Variants in BTG4 observed in about 807,000 individuals in gnomAD.
BTG4 encodes the protein protein BTG4.
A neutral mutation model predicts 19.3 loss-of-function variants in BTG4; 10 were observed. The ratio of observed to expected loss-of-function variants is 0.52; its 90% confidence interval spans 0.32 to 0.88. BTG4 has a LOEUF of 0.88. Among genes scored for constraint, BTG4 ranks in the 40% least tolerant of loss-of-function variants. BTG4 has a pLI of 0.04. For synonymous variants in BTG4, 91 were observed against 95.7 expected, an observed-to-expected ratio of 0.95 and a Z score of 0.29; for missense variants, 238 against 281.9, an observed-to-expected ratio of 0.84 and a Z score of 1.11.
chr11:111,451,590 C>A, the BTG4 span, among the ~76,000 whole-genome samples: 1 of 152,120 alleles, frequency 6.6e-6, no homozygotes, highest in East Asian at 1.9e-4. Context: ...CATGGAGAAA[C>A]CCTGTCTCTA....
At chr11:111,391,382 A>G in the BTG4 span, among the ~76,000 whole-genome samples, 3 of 152,206 alleles carry the variant, frequency 2.0e-5, no homozygotes, top group Admixed American at 1.3e-4. Flanking sequence ...AGCCAGGTTT[A>G]TCTAGGAGAA....
chr11:111,390,870 G>A, the BTG4 span, among the ~76,000 whole-genome samples: 1 of 152,192 alleles, frequency 6.6e-6, no homozygotes, highest in East Asian at 1.9e-4. Flanking sequence ...ACAGGCAGAT[G>A]CACAGACTCC....
At chr11:111,464,391 G>C (rs1217561937), downstream of BTG4, among the ~76,000 whole-genome samples, 1 of 152,184 alleles carries the variant, frequency 6.6e-6, no homozygotes, top group Non-Finnish European at 1.5e-5. Context: ...CAACCCACAT[G>C]CAAGGGGAGG....
the BTG4 span, chr11:111,416,996 T>C: frequency 1.3e-5 from 2 of 152,192 alleles, no homozygotes; most frequent in Admixed American, 1.3e-4. Context: ...CAGAAGCTAT[T>C]AAGGTTGTCT....
the BTG4 span, among the ~76,000 whole-genome samples, chr11:111,399,523 G>A: frequency 6.6e-6 from 1 of 152,136 alleles, no homozygotes; most frequent in Non-Finnish European, 1.5e-5. Context: ...TCACTTTCTA[G>A]CCCCAGGGGA....
chr11:111,454,473 A>G, the BTG4 span: 2 of 366,524 alleles, frequency 5.5e-6, no homozygotes, highest in Non-Finnish European at 1.1e-5. Flanking sequence ...AGAATATGGA[A>G]CATAGAGTCC....
Position 111,498,726 on chromosome 11 carries a change from T to G in BTG4, c.51A>C (p.Lys17Asn), listed in dbSNP as rs1362298784. The G allele has an allele frequency of 6.2e-7, 1 of 1,613,364 alleles. No individual in the cohort carries two copies. The highest frequency in any genetic ancestry group is 1.1e-5 in the South Asian group (1 of 90,796). Residue 17 changes from lysine to asparagine, a missense_variant, in exon 2 of 5, where the codon AAA (lysine) becomes AAC (asparagine). By Grantham distance (94) the Lys-to-Asn change is moderately conservative. Transcript: ENST00000692032. Reference sequence around the variant, plus strand: ...GCTGTTTACTTAGTTTATCATGTTTTTTCACCAATCTTGTGACAAAGAAAA... The same window carrying G: ...GCTGTTTACTTAGTTTATCATGTTTGTTCACCAATCTTGTGACAAAGAAAA... ...TTVFFVTRLVKKHDKLSKQQI... is the reference protein window; with the variant it reads ...TTVFFVTRLVNKHDKLSKQQI...
chr11:111,426,618 TCA>T, the BTG4 span, among the ~76,000 whole-genome samples: 44,405 of 151,824 alleles, frequency 0.29, 6,643 homozygotes, highest in Admixed American at 0.34. Flanking sequence ...TCCTGACTCC[TCA>T]GTTTTCCCAT....
At chr11:111,495,373 C>T in intron 4 of BTG4, 59 bp from the exon 5 acceptor site, 1 of 1,414,602 alleles carries the variant, frequency 7.1e-7, no homozygotes, top group Non-Finnish European at 9.8e-7. Flanking sequence ...AAATATGAAC[C>T]CATAATTCAA....
At chr11:111,389,188 C>T in the BTG4 span, among the ~76,000 whole-genome samples, 1 of 152,154 alleles carries the variant, frequency 6.6e-6, no homozygotes, top group Non-Finnish European at 1.5e-5. Flanking sequence ...AGCTGCACTG[C>T]TGTTTTTCAA....
chr11:111,386,032 GC>G, the BTG4 span: 1 of 152,158 alleles, frequency 6.6e-6, no homozygotes, highest in East Asian at 1.9e-4. Flanking sequence ...AGGCATGGTG[GC>G]ATGTGCCTGT....
At position 111,498,141 on chromosome 11, in the gene BTG4, T is replaced by C; in HGVS notation, c.174-6A>G. On this transcript the variant is annotated splice_polypyrimidine_tract_variant and splice_region_variant and intron_variant, in intron 2 of 4. Coordinates refer to ENST00000692032, the MANE Select transcript of BTG4 (RefSeq NM_001367975.1). ...TGTTGTTTATCCTGATGCACCTTTT[T>C]AAAAAGCGAAGGGAAACGAAGACAT... 1.2e-6 allele frequency: 2 copies of C among 1,613,702 alleles called. No homozygotes were observed. Among genetic ancestry groups the C allele is most frequent in the Non-Finnish European group, 1.7e-6 (2 of 1,179,896 alleles).
chr11:111,474,267 T>C (rs990311268), intron 5 of BTG4, among the ~76,000 whole-genome samples: 3 of 152,166 alleles, frequency 2.0e-5, no homozygotes, highest in Admixed American at 1.3e-4. Context: ...CCAATGTGAA[T>C]ACTCCCATAT....
the BTG4 span, among the ~76,000 whole-genome samples, chr11:111,429,959 T>C: frequency 6.6e-6 from 1 of 152,202 alleles, no homozygotes; most frequent in African/African-American, 2.4e-5. Context: ...TGTTTTTCCC[T>C]TGTCTTAGTG....
At chr11:111,430,150 A>G in the BTG4 span, among the ~76,000 whole-genome samples, 1 of 152,220 alleles carries the variant, frequency 6.6e-6, no homozygotes, top group Admixed American at 6.5e-5. Flanking sequence ...AGAAACAACC[A>G]TGATACAGCC....
chr11:111,501,761 A>G (rs1217391550), intron 1 of BTG4, among the ~76,000 whole-genome samples: 1 of 152,234 alleles, frequency 6.6e-6, no homozygotes, highest in East Asian at 1.9e-4. Flanking sequence ...CAAGTATTAA[A>G]ATATTACATG....
At chr11:111,489,829 T>C (rs2135623848), downstream of BTG4, among the ~76,000 whole-genome samples, 1 of 151,992 alleles carries the variant, frequency 6.6e-6, no homozygotes, top group African/African-American at 2.4e-5. Context: ...GTAGAATGGT[T>C]GGTTACTAGA....
chr11:111,389,954 TA>T, the BTG4 span, among the ~76,000 whole-genome samples: 11,314 of 152,260 alleles, frequency 0.074, 610 homozygotes, highest in Middle Eastern at 0.16. Flanking sequence ...ACTGATCATA[TA>T]GCGAGGAACT....
At chr11:111,487,075 T>C (rs1190857786) in intron 5 of BTG4, among the ~76,000 whole-genome samples, 1 of 152,214 alleles carries the variant, frequency 6.6e-6, no homozygotes, top group Admixed American at 6.5e-5. Context: ...CATGCAGTGC[T>C]TGACATTCTG....
Sources: gnomAD v4.1 joint callset for allele counts (sites outside exome capture counted in the v4.1 genomes callset) on GRCh38, gnomAD v4.1.1 for gene constraint, MANE v1.5 for transcripts, NCBI Gene and HGNC (gene_info 2026-07-23, HGNC 2026-07-21) for gene names.